The following STPG2 variants were observed in gnomAD, a reference collection of about 807,000 sequenced individuals.
The protein encoded by STPG2 is sperm-tail PG-rich repeat-containing protein 2.
In STPG2, 56 loss-of-function variants were observed where a neutral mutation model predicts 54.2. That is an observed-to-expected ratio of 1.03 (90% CI 0.83 to 1.29). The LOEUF (loss-of-function observed/expected upper bound fraction) is 1.29, where lower values mean the gene tolerates loss of function less well. Ranked by LOEUF, STPG2 falls within the 50% of genes most tolerant of loss-of-function variation. The pLI is 0.00. For missense variants in STPG2, 596 were observed against 544.9 expected, an observed-to-expected ratio of 1.09 and a Z score of -0.93; for synonymous variants, 200 against 181.8, an observed-to-expected ratio of 1.10 and a Z score of -0.81.
chr4:97,941,406 G>A (rs541451965), intron 8 of STPG2, among the ~76,000 whole-genome samples: 65 of 151,916 alleles, frequency 4.3e-4, no homozygotes, highest in Admixed American at 2.0e-3. Flanking sequence ...AATAATTATT[G>A]TCTCAACATT....
At chr4:97,896,881 CTT>C (rs1041922964) in intron 8 of STPG2, among the ~76,000 whole-genome samples, 1 of 151,262 alleles carries the variant, frequency 6.6e-6, no homozygotes, top group Non-Finnish European at 1.5e-5. Flanking sequence ...ACTATATAAA[CTT>C]ATCTTTTTCC....
chr4:97,690,545 G>A (rs922621922), intron 10 of STPG2, among the ~76,000 whole-genome samples: 3 of 151,898 alleles, frequency 2.0e-5, no homozygotes, highest in Non-Finnish European at 4.4e-5. Flanking sequence ...TCTGCTCCAA[G>A]GTCCAATATT....
intron 8 of STPG2, among the ~76,000 whole-genome samples, chr4:97,877,677 C>A (rs967096207): frequency 6.6e-6 from 1 of 152,156 alleles, no homozygotes; most frequent in Non-Finnish European, 1.5e-5. Context: ...CCTCCCACAA[C>A]ATGGGGGAAT....
chr4:97,717,615 A>G (rs1420538025), intron 9 of STPG2, among the ~76,000 whole-genome samples: 4 of 152,202 alleles, frequency 2.6e-5, no homozygotes, highest in African/African-American at 9.6e-5. Flanking sequence ...TACATCCATA[A>G]GCCCTGTCAA....
intron 5 of STPG2, among the ~76,000 whole-genome samples, chr4:98,037,021 C>T (rs1222675416): frequency 1.3e-5 from 2 of 151,870 alleles, no homozygotes; most frequent in Non-Finnish European, 1.5e-5. Flanking sequence ...AAATCAATGT[C>T]GATTAAATAA....
chr4:97,778,123 C>A (rs1560523632), intron 9 of STPG2, among the ~76,000 whole-genome samples: 1 of 152,146 alleles, frequency 6.6e-6, no homozygotes, highest in African/African-American at 2.4e-5. Context: ...GGCATCGACT[C>A]ACCTGGGAAG....
At chr4:97,840,179 A>G (rs1728753924) in intron 9 of STPG2, among the ~76,000 whole-genome samples, 1 of 151,558 alleles carries the variant, frequency 6.6e-6, no homozygotes, top group South Asian at 2.1e-4. Flanking sequence ...TTTGAAAAAA[A>G]ATAAAAATAA....
At chr4:97,611,036 T>A (rs1733718114) in intron 10 of STPG2, among the ~76,000 whole-genome samples, 1 of 152,028 alleles carries the variant, frequency 6.6e-6, no homozygotes, top group South Asian at 2.1e-4. Flanking sequence ...TGGGAAAAAA[T>A]CAATTCTCAG....
At chr4:97,881,357 C>A (rs1340575506) in intron 8 of STPG2, among the ~76,000 whole-genome samples, 1 of 151,992 alleles carries the variant, frequency 6.6e-6, no homozygotes, top group African/African-American at 2.4e-5. Flanking sequence ...TTAAAAGTTC[C>A]CTAAGGTCTA....
chr4:97,516,936 C>T (rs1377946619), intron 4 of STPG2, among the ~76,000 whole-genome samples: 1 of 151,724 alleles, frequency 6.6e-6, no homozygotes, highest in Non-Finnish European at 1.5e-5. Context: ...AAGACTGAGT[C>T]TTACTCTGTT....
intron 10 of STPG2, among the ~76,000 whole-genome samples, chr4:97,669,109 G>C (rs1722620711): frequency 6.6e-6 from 1 of 152,050 alleles, no homozygotes; most frequent in African/African-American, 2.4e-5. Context: ...TTGGCAAATA[G>C]AGAAGAGACT....
intron 4 of STPG2, among the ~76,000 whole-genome samples, chr4:97,495,311 A>C (rs906325413): frequency 7.3e-5 from 11 of 151,628 alleles, no homozygotes; most frequent in Middle Eastern, 3.4e-3. Flanking sequence ...ATTTCTGTCT[A>C]AGCTAAAGTA....
Position 97,457,066 on chromosome 4 carries a change from T to G in STPG2, c.462+255633A>C, listed in dbSNP as rs559005894. Reference sequence around the variant, plus strand: ...ACAATAGTGAGATACCACTACCTACTGATCCGAATGATCAAAAAGCAAAAC... The same window carrying G: ...ACAATAGTGAGATACCACTACCTACGGATCCGAATGATCAAAAAGCAAAAC... On this transcript the variant is annotated intron_variant, in intron 4 of 4. Coordinates refer to the STPG2 transcript ENST00000522676. 2.8e-4 allele frequency among the ~76,000 whole-genome samples: 43 copies of G among 152,274 alleles called. No homozygotes were observed. In the South Asian group the frequency reaches 8.5e-3, roughly 30 times the overall value.
chr4:97,941,324 T>C (rs1010625393), intron 8 of STPG2, among the ~76,000 whole-genome samples: 1 of 152,132 alleles, frequency 6.6e-6, no homozygotes, highest in African/African-American at 2.4e-5. Flanking sequence ...CTCCTTGGCA[T>C]TCTGTTAAGC....
intron 9 of STPG2, among the ~76,000 whole-genome samples, chr4:97,781,738 T>C (rs1726622501): frequency 2.0e-5 from 3 of 152,246 alleles, no homozygotes; most frequent in South Asian, 2.1e-4. Context: ...TCCACCATGA[T>C]CAAGTGGGCT....
intron 10 of STPG2, among the ~76,000 whole-genome samples, chr4:97,563,689 G>C (rs141636421): frequency 3.3e-5 from 5 of 151,984 alleles, no homozygotes; most frequent in Non-Finnish European, 1.5e-5. Context: ...CCTTCATTTC[G>C]TTATGTACCC....
chr4:97,947,209 C>A (rs1289726163), intron 7 of STPG2, among the ~76,000 whole-genome samples: 5 of 152,008 alleles, frequency 3.3e-5, no homozygotes, highest in Non-Finnish European at 7.4e-5. Flanking sequence ...ATCAGTGTTA[C>A]TGATTTGCGT....
At chr4:97,924,050 C>A (rs1732237700) in intron 8 of STPG2, among the ~76,000 whole-genome samples, 1 of 152,174 alleles carries the variant, frequency 6.6e-6, no homozygotes, top group Admixed American at 6.5e-5. Flanking sequence ...TGCAATAAAT[C>A]TTGCTACTGC....
At chr4:98,025,201 A>G (rs1736373661) in intron 5 of STPG2, among the ~76,000 whole-genome samples, 3 of 152,228 alleles carry the variant, frequency 2.0e-5, no homozygotes, top group South Asian at 2.1e-4. Context: ...CTGGAAATGT[A>G]TATCTCCTCG....
Sources: gnomAD v4.1 joint callset for allele counts (sites outside exome capture counted in the v4.1 genomes callset) on GRCh38, gnomAD v4.1.1 for gene constraint, MANE v1.5 for transcripts, NCBI Gene and HGNC (gene_info 2026-07-23, HGNC 2026-07-21) for gene names.